The following ATP8B1 variants were observed in gnomAD, a reference collection of about 807,000 sequenced individuals.
ATP8B1 encodes the protein phospholipid-transporting ATPase IC.
In ATP8B1, 80 loss-of-function variants were observed where a neutral mutation model predicts 149.9. That is an observed-to-expected ratio of 0.53 (90% CI 0.45 to 0.64). The LOEUF is 0.64. Among genes scored for constraint, ATP8B1 ranks in the 30% least tolerant of loss-of-function variants. ATP8B1 has a pLI of 0.00. For synonymous variants in ATP8B1, 536 were observed against 562.8 expected, an observed-to-expected ratio of 0.95 and a Z score of 0.67; for missense variants, 1,247 against 1,552.6, an observed-to-expected ratio of 0.80 and a Z score of 3.31.
chr18:57,790,497 T>C (rs2080454223), intron 1 of ATP8B1, among the ~76,000 whole-genome samples: 1 of 152,158 alleles, frequency 6.6e-6, no homozygotes. Context: ...CCCAGTATTC[T>C]GGCCTCTCAC....
chr18:57,766,303 C>T (rs1000813553), intron 1 of ATP8B1, among the ~76,000 whole-genome samples: 2 of 152,024 alleles, frequency 1.3e-5, no homozygotes, highest in Non-Finnish European at 2.9e-5. Flanking sequence ...CAGGAGCCAC[C>T]GAGCCCAGAT....
At chr18:57,767,788 TA>T (rs35968334) in intron 1 of ATP8B1, among the ~76,000 whole-genome samples, 259 of 143,620 alleles carry the variant, frequency 1.8e-3, no homozygotes, top group Middle Eastern at 3.6e-3. Context: ...AAACTCCATC[TA>T]AAAAAAAAAA....
rs191890660 is a variant in ATP8B1 at position 57,781,710 on chromosome 18, C to G, written c.-26+21288G>C. Among the ~76,000 whole-genome samples, 337 of 152,250 alleles carry G rather than the reference C, an allele frequency of 2.2e-3. 3 individuals are homozygous for G. The highest frequency in any genetic ancestry group is 7.4e-3 in the African/African-American group (308 of 41,562). ...GGAAACATAGGTGGGTGCAGTGGCT[C>G]GCACCAGTAATTCCAGTACTTTGGG... On this transcript the variant is annotated intron_variant, in intron 1 of 27. Transcript: ENST00000648908.
At chr18:57,738,802 A>G (rs1467488630) in intron 1 of ATP8B1, among the ~76,000 whole-genome samples, 1 of 151,908 alleles carries the variant, frequency 6.6e-6, no homozygotes, top group Admixed American at 6.6e-5. Flanking sequence ...TAACTTCCAC[A>G]TGACCACCAA....
chr18:57,798,009 T>C (rs1391170240), intron 1 of ATP8B1, among the ~76,000 whole-genome samples: 1 of 152,162 alleles, frequency 6.6e-6, no homozygotes, highest in Non-Finnish European at 1.5e-5. Context: ...AGGCCTCTGA[T>C]CTGCTTTCTC....
chr18:57,698,489 C>G lies in ATP8B1; in HGVS notation c.555-622G>C, dbSNP rs200244709. Among the ~76,000 whole-genome samples, 21 of 152,194 alleles carry G rather than the reference C, an allele frequency of 1.4e-4. No individual in the cohort carries two copies. In the East Asian group the frequency reaches 3.7e-3, roughly 27 times the overall value. ...CCTCCCGAGTAGCTGGGACTACAGG[C>G]ACGTGCCTTCACGCCTGACTAATTT... On this transcript the variant is annotated intron_variant, in intron 6 of 27. Transcript: ENST00000648908.
intron 13 of ATP8B1, among the ~76,000 whole-genome samples, chr18:57,685,905 TG>T (rs1301385845): frequency 2.0e-5 from 3 of 149,382 alleles, no homozygotes; most frequent in East Asian, 4.1e-4. Flanking sequence ...CACTCCAGCC[TG>T]GGCGACAGAG....
At position 57,695,492 on chromosome 18, in the gene ATP8B1, C is replaced by G. The variant is rs765549405; in HGVS notation, c.739G>C (p.Asp247His). ...LKFKMSLEITDQYLQREDTLA... is the reference protein window; with the variant it reads ...LKFKMSLEITHQYLQREDTLA... ...GTATCTTCTCTTTGGAGGTACTGGT[C>G]TGTGATTTCAAGTGACATCTTAAAT... is the stretch of plus-strand genomic sequence containing the variant. The change falls in exon 9 of 28, where the codon GAC (aspartate) becomes CAC (histidine). Residue 247 changes from aspartate (D) to histidine (H), a missense_variant. By Grantham distance (81) the Asp-to-His change is moderately conservative. Transcript: ENST00000648908. 1.1e-5 allele frequency: 18 copies of G among 1,612,726 alleles called. No individual in the cohort carries two copies. Among genetic ancestry groups the G allele is most frequent in the Non-Finnish European group, 1.3e-5 (15 of 1,178,984 alleles).
At chr18:57,713,155 T>TTCTCTTTC (rs1342330634) in intron 2 of ATP8B1, among the ~76,000 whole-genome samples, 12 of 129,360 alleles carry the variant, frequency 9.3e-5, no homozygotes, top group African/African-American at 3.5e-4. Context: ...CTCTTGATCT[T>TTCTCTTTC]TCTCTTTCTT....
Position 57,732,235 on chromosome 18 carries a change from GTATATATA to G in ATP8B1, c.-25-411_-25-404del, listed in dbSNP as rs1262631832. Among the ~76,000 whole-genome samples, 7 of 9,206 alleles carry G rather than the reference GTATATATA, an allele frequency of 7.6e-4. 2 individuals carry two copies. The highest frequency in any genetic ancestry group is 1.3e-3 in the Non-Finnish European group (5 of 3,780). The allele number at this position is 9,206 out of a possible 152,430, so 6.0% of individuals were successfully genotyped here. A position where few individuals can be genotyped will look rare whatever the true frequency, so the allele number is the denominator to read the frequency against. On this transcript the variant is annotated intron_variant, in intron 1 of 27. Coordinates refer to ENST00000648908, the MANE Select transcript of ATP8B1 (RefSeq NM_001374385.1). ...TATATGTGTATATATGTATATATGTGTATATATATGTATATATGTATATATGTGTATAT... is the reference window on the plus strand; with the variant it reads ...TATATGTGTATATATGTATATATGTGTGTATATATGTATATATGTGTATAT...
intron 2 of ATP8B1, among the ~76,000 whole-genome samples, chr18:57,726,327 A>G (rs1250411791): frequency 6.6e-6 from 1 of 152,260 alleles, no homozygotes; most frequent in Non-Finnish European, 1.5e-5. Flanking sequence ...AAGCACAGGC[A>G]ACCAAAGCAA....
intron 6 of ATP8B1, among the ~76,000 whole-genome samples, chr18:57,698,435 C>T (rs913522941): frequency 2.6e-5 from 4 of 152,098 alleles, no homozygotes; most frequent in African/African-American, 7.2e-5. Context: ...CTTCTGCCTC[C>T]TGGGGTTCAA....
rs1391823247 is a variant in ATP8B1, at chr18:57,648,723, G to T, written c.3532-11C>A. 1 of 1,549,354 alleles carries T rather than the reference G, an allele frequency of 6.5e-7. No individual in the cohort carries two copies. The highest frequency in any genetic ancestry group is 1.2e-5 in the South Asian group (1 of 84,122). ...GCGATGCTTCTGGATCTGCAAGGGGGAGAGATGGGGAGGGATGAAAATAAG... is the reference window on the plus strand; with the variant it reads ...GCGATGCTTCTGGATCTGCAAGGGGTAGAGATGGGGAGGGATGAAAATAAG... On this transcript the variant is annotated splice_polypyrimidine_tract_variant and intron_variant, in intron 27 of 27. Coordinates refer to ENST00000648908, the MANE Select transcript of ATP8B1 (RefSeq NM_001374385.1).
chr18:57,736,369 T>C (rs986182536), intron 1 of ATP8B1, among the ~76,000 whole-genome samples: 3 of 152,100 alleles, frequency 2.0e-5, no homozygotes, highest in African/African-American at 7.2e-5. Flanking sequence ...CCTGTGCTTT[T>C]GAGGTCTTAG....
At chr18:57,711,897 A>AT (rs1346224919) in intron 2 of ATP8B1, among the ~76,000 whole-genome samples, 4 of 151,838 alleles carry the variant, frequency 2.6e-5, no homozygotes, top group African/African-American at 7.3e-5. Flanking sequence ...GACCAGCAGT[A>AT]TTTTTTTTGG....
chr18:57,738,169 A>G (rs755244711), intron 1 of ATP8B1: 11 of 152,378 alleles, frequency 7.2e-5, no homozygotes, highest in Non-Finnish European at 1.5e-4. Context: ...TGGAAACTTC[A>G]TAATGTCTCT....
Position 57,731,637 on chromosome 18 carries a change from T to C in ATP8B1, c.171A>G (p.Pro57=), listed in dbSNP as rs375328559. 1 of 1,614,008 alleles carries C rather than the reference T, an allele frequency of 6.2e-7. No homozygotes were observed. The highest frequency in any genetic ancestry group is 8.5e-7 in the Non-Finnish European group (1 of 1,180,030). The part of the protein sequence containing the change: ...VNREAEENRE[P]FRKECTWQVK... ...ACTTCATGTGGTTACCTTTTCTGAA[T>C]GGCTCCCGGTTCTCCTCTGCTTCCC... Residue 57 remains proline, a synonymous_variant, in exon 2 of 28, where the codon CCA becomes CCG. Transcript: ENST00000648908.
intron 2 of ATP8B1, among the ~76,000 whole-genome samples, chr18:57,712,466 T>C (rs942463596): frequency 6.6e-6 from 1 of 152,196 alleles, no homozygotes; most frequent in Non-Finnish European, 1.5e-5. Context: ...AGACCAGCCC[T>C]AGCCAGAGGG....
In ATP8B1 at chr18:57,667,258, C is replaced by A. The variant is rs1249342326; in HGVS notation, c.2210-91G>T. On this transcript the variant is annotated intron_variant, in intron 19 of 27. Coordinates refer to ENST00000648908, the MANE Select transcript of ATP8B1 (RefSeq NM_001374385.1). ...TTGAGACAGCATCTCACTCCCACTG[C>A]CTAGGCTGGAGTGCAGTGGCACAAT... 11 of 1,062,648 alleles carry A rather than the reference C, an allele frequency of 1.0e-5. No homozygotes were observed. The East Asian group carries it at 2.6e-4, about 25-fold the overall frequency. 65.8% of individuals were successfully genotyped at this position (1,062,648 alleles called of 1,614,324 possible). A position where few individuals can be genotyped will look rare whatever the true frequency, so the allele number is the denominator to read the frequency against.
Sources: allele counts gnomAD v4.1 joint callset (sites outside exome capture counted in the v4.1 genomes callset), GRCh38; gene constraint gnomAD v4.1.1; transcripts MANE v1.5; gene names NCBI Gene and HGNC (gene_info 2026-07-23, HGNC 2026-07-21).